Variants in RALGAPA2 observed in about 807,000 individuals in gnomAD.
The protein encoded by RALGAPA2 is ral GTPase-activating protein subunit alpha-2.
Under a neutral mutation model 230.4 loss-of-function variants are expected in RALGAPA2, and 139 were observed. The observed-to-expected ratio is 0.60, with a 90% CI of 0.53 to 0.69. The LOEUF (loss-of-function observed/expected upper bound fraction) is 0.69. Among genes scored for constraint, RALGAPA2 ranks in the 30% least tolerant of loss-of-function variants. RALGAPA2 has a pLI of 0.00. For synonymous variants in RALGAPA2, 847 were observed against 837.8 expected, an observed-to-expected ratio of 1.01 and a Z score of -0.19; for missense variants, 2,163 against 2,276.0, an observed-to-expected ratio of 0.95 and a Z score of 1.01.
chr20:20,419,589 G>A (rs1332349670), intron 37 of RALGAPA2, among the ~76,000 whole-genome samples: 2 of 152,146 alleles, frequency 1.3e-5, no homozygotes, highest in Admixed American at 6.5e-5. Flanking sequence ...ACATGGATAC[G>A]AATGCCACCT....
intron 3 of RALGAPA2, among the ~76,000 whole-genome samples, chr20:20,668,989 C>T (rs2068047484): frequency 6.6e-6 from 1 of 152,084 alleles, no homozygotes; most frequent in Admixed American, 6.6e-5. Flanking sequence ...TCTAGGAAGG[C>T]TAATGACAAG....
intron 35 of RALGAPA2, among the ~76,000 whole-genome samples, chr20:20,495,513 A>G (rs1270577982): frequency 6.6e-6 from 1 of 152,258 alleles, no homozygotes; most frequent in East Asian, 1.9e-4. Context: ...GGCACATTAC[A>G]GCTGGATGGG....
At chr20:20,507,231 A>G (rs933605778) in intron 33 of RALGAPA2, among the ~76,000 whole-genome samples, 1 of 152,230 alleles carries the variant, frequency 6.6e-6, no homozygotes, top group Middle Eastern at 3.2e-3. Context: ...ACAACATTCC[A>G]TTATATTAAT....
At position 20,629,560 on chromosome 20, in the gene RALGAPA2, C is replaced by T. The variant is rs1346083061; in HGVS notation, c.1036G>A (p.Ala346Thr). Residue 346 changes from alanine (A) to threonine (T), a missense_variant, in exon 10 of 40, where the codon GCG (alanine) becomes ACG (threonine). Physicochemically the swap from Ala to Thr is moderately conservative, Grantham distance 58. Transcript: ENST00000202677. ...TVGGGAVQER[A>T]PELDGGGPTE... ...GGCCCACCACCATCCAGCTCAGGCG[C>T]TCTCTCCTGCACAGCACCACCACCA... 2 of 1,613,588 alleles carry T rather than the reference C, an allele frequency of 1.2e-6. No individual in the cohort carries two copies. Among genetic ancestry groups the T allele is most frequent in the South Asian group, 2.2e-5 (2 of 91,046 alleles).
intron 37 of RALGAPA2, among the ~76,000 whole-genome samples, chr20:20,414,540 G>A (rs958051262): frequency 1.3e-5 from 2 of 152,142 alleles, no homozygotes; most frequent in African/African-American, 2.4e-5. Flanking sequence ...GCAGCCCACC[G>A]TCCCAATCCT....
Position 20,524,530 on chromosome 20 carries a change from A to G in RALGAPA2, c.3776T>C (p.Leu1259Ser), listed in dbSNP as rs1382838250. 1 of 1,613,844 alleles carries G rather than the reference A, an allele frequency of 6.2e-7. No individual in the cohort carries two copies. The highest frequency in any genetic ancestry group is 8.5e-7 in the Non-Finnish European group (1 of 1,179,874). The change falls in exon 30 of 40, where the codon TTG becomes TCG. Residue 1259 changes from leucine (L) to serine (S), a missense_variant. Physicochemically the swap from Leu to Ser is moderately radical, Grantham distance 145. Transcript: ENST00000202677. Reference protein sequence around the residue: ...VETDKKFIVSLLLCLLDWCMA... With the variant: ...VETDKKFIVSSLLCLLDWCMA... ...GCACCAGTCCAAGAGGCAGAGTAGC[A>G]AGGACACAATAAACTGGAAGAAGAA...
intron 23 of RALGAPA2, among the ~76,000 whole-genome samples, chr20:20,560,280 T>G (rs2064218464): frequency 6.6e-6 from 1 of 152,242 alleles, no homozygotes; most frequent in South Asian, 2.1e-4. Context: ...TGGTAGGTAT[T>G]TTGTTTTAAT....
At chr20:20,452,560 G>A (rs1383191599) in intron 37 of RALGAPA2, among the ~76,000 whole-genome samples, 1 of 152,350 alleles carries the variant, frequency 6.6e-6, no homozygotes, top group East Asian at 1.9e-4. Context: ...GAACACATCC[G>A]ACATTGTACG....
At chr20:20,570,646 A>G (rs921226971) in intron 23 of RALGAPA2, among the ~76,000 whole-genome samples, 1 of 152,124 alleles carries the variant, frequency 6.6e-6, no homozygotes, top group Non-Finnish European at 1.5e-5. Flanking sequence ...TCATTTTTTT[A>G]AAATCTGTAT....
chr20:20,545,263 T>C (rs1285325325), intron 24 of RALGAPA2, among the ~76,000 whole-genome samples: 1 of 152,128 alleles, frequency 6.6e-6, no homozygotes, highest in African/African-American at 2.4e-5. Flanking sequence ...GGTCTTGTTA[T>C]GCTGCCCAGG....
intron 3 of RALGAPA2, among the ~76,000 whole-genome samples, chr20:20,672,551 AAGT>A (rs2068173221): frequency 6.6e-6 from 1 of 152,248 alleles, no homozygotes; most frequent in Non-Finnish European, 1.5e-5. Flanking sequence ...TAGATTGGTA[AAGT>A]AGCAGATTTG....
At chr20:20,512,244 C>CACACACACAT (rs1556256281) in intron 32 of RALGAPA2, among the ~76,000 whole-genome samples, 434 of 148,460 alleles carry the variant, frequency 2.9e-3, no homozygotes, top group African/African-American at 0.01. Context: ...CACACATACA[C>CACACACACAT]ACACACACAC....
At chr20:20,551,353 T>C (rs1009310204) in intron 23 of RALGAPA2, among the ~76,000 whole-genome samples, 2 of 152,242 alleles carry the variant, frequency 1.3e-5, no homozygotes, top group Admixed American at 1.3e-4. Context: ...CACAAGCTTT[T>C]GTTCAAAGAA....
intron 38 of RALGAPA2, among the ~76,000 whole-genome samples, chr20:20,400,827 C>T (rs913881909): frequency 1.1e-4 from 16 of 152,126 alleles, no homozygotes; most frequent in South Asian, 2.1e-4. Flanking sequence ...GTGGTCTATC[C>T]GTACAGCAGA....
chr20:20,644,005 G>A (rs991484871), intron 4 of RALGAPA2, among the ~76,000 whole-genome samples: 6 of 152,122 alleles, frequency 3.9e-5, no homozygotes, highest in South Asian at 4.1e-4. Flanking sequence ...CTAGCAGAGC[G>A]CTTTGGTCAC....
At chr20:20,480,122 G>A (rs1427122864) in intron 36 of RALGAPA2, among the ~76,000 whole-genome samples, 1 of 152,230 alleles carries the variant, frequency 6.6e-6, no homozygotes, top group African/African-American at 2.4e-5. Context: ...TGGACTAGAA[G>A]ACTCAATATT....
In RALGAPA2 at chr20:20,688,443, G is replaced by A. The variant is rs572278333; in HGVS notation, c.107-7642C>T. On this transcript the variant is annotated intron_variant, in intron 1 of 39. Transcript: ENST00000202677. ...ACTCCAGCCCCAGTGCTATCATGGC[G>A]TGAAACTCGAGATCTGGTCAAAGAT... is the stretch of plus-strand genomic sequence containing the variant. Among the ~76,000 whole-genome samples, 5 of 152,318 alleles carry A rather than the reference G, an allele frequency of 3.3e-5. No individual in the cohort carries two copies. In the East Asian group the frequency reaches 5.8e-4, roughly 18 times the overall value.
intron 3 of RALGAPA2, among the ~76,000 whole-genome samples, chr20:20,657,853 G>A (rs895756113): frequency 1.3e-5 from 2 of 152,222 alleles, no homozygotes; most frequent in African/African-American, 2.4e-5. Context: ...TTAGATGAAT[G>A]CTTGACATAC....
At chr20:20,536,459 G>T (rs969336560) in intron 25 of RALGAPA2, among the ~76,000 whole-genome samples, 197 bp downstream of exon 25, 2 of 152,152 alleles carry the variant, frequency 1.3e-5, no homozygotes, top group Non-Finnish European at 2.9e-5. Flanking sequence ...CAGCTATAAG[G>T]TCTAACTGCA....
Sources: allele counts gnomAD v4.1 joint callset (sites outside exome capture counted in the v4.1 genomes callset), GRCh38; gene constraint gnomAD v4.1.1; transcripts MANE v1.5; gene names NCBI Gene and HGNC (gene_info 2026-07-23, HGNC 2026-07-21).